Variants in MTHFD1L observed in about 807,000 individuals in gnomAD.
The protein encoded by MTHFD1L is monofunctional C1-tetrahydrofolate synthase, mitochondrial.
A neutral mutation model predicts 119.5 loss-of-function variants in MTHFD1L; 81 were observed. That is an observed-to-expected ratio of 0.68 (90% CI 0.57 to 0.82). The LOEUF (loss-of-function observed/expected upper bound fraction) is 0.82, where lower values mean the gene tolerates loss of function less well. Ranked by LOEUF, MTHFD1L falls within the 40% of genes least tolerant of loss-of-function variation. The pLI is 0.00. For synonymous variants in MTHFD1L, 430 were observed against 475.2 expected (o/e 0.90, Z 1.24); for missense variants, 1,125 against 1,253.4 (o/e 0.90, Z 1.55).
intron 26 of MTHFD1L, among the ~76,000 whole-genome samples, chr6:151,052,844 G>A (rs1274494502): frequency 6.6e-6 from 1 of 152,174 alleles, no homozygotes; most frequent in African/African-American, 2.4e-5. Context: ...AAATGTGTGA[G>A]CCTGAGCCCA....
intron 13 of MTHFD1L, among the ~76,000 whole-genome samples, chr6:150,939,014 C>T (rs1792612975): frequency 6.6e-6 from 1 of 152,166 alleles, no homozygotes; most frequent in Non-Finnish European, 1.5e-5. Context: ...TTAACAGGTG[C>T]TGACCTAGCC....
intron 1 of MTHFD1L, among the ~76,000 whole-genome samples, chr6:150,871,068 A>G (rs1219761208): frequency 6.9e-6 from 1 of 145,280 alleles, no homozygotes; most frequent in Admixed American, 7.0e-5. Flanking sequence ...ACCTTAATAT[A>G]TATACCTTAA....
At chr6:150,936,625 T>G (rs1490530064) in intron 11 of MTHFD1L, among the ~76,000 whole-genome samples, 179 bp from the exon 12 acceptor site, 1 of 152,226 alleles carries the variant, frequency 6.6e-6, no homozygotes, top group Non-Finnish European at 1.5e-5. Flanking sequence ...TGTCTGTATC[T>G]TGACTTTAGC....
chr6:151,091,079 A>T (rs1794374946), intron 26 of MTHFD1L, among the ~76,000 whole-genome samples: 1 of 146,218 alleles, frequency 6.8e-6, no homozygotes, highest in African/African-American at 2.6e-5. Context: ...GTTCCATGCG[A>T]CTGGGTGCAG....
intron 26 of MTHFD1L, among the ~76,000 whole-genome samples, chr6:151,052,630 G>A (rs1789243970): frequency 6.6e-6 from 1 of 152,210 alleles, no homozygotes; most frequent in Admixed American, 6.5e-5. Context: ...GCTGGACCCT[G>A]AAGGCAGTAG....
chr6:150,955,870 C>G (rs977240018), intron 16 of MTHFD1L, 125 bp from the exon 17 acceptor site: 33 of 751,006 alleles, frequency 4.4e-5, no homozygotes, highest in Non-Finnish European at 7.6e-5. Context: ...AGATGGTCAG[C>G]TTGGGGGAGC....
chr6:150,937,802 G>A (rs2128939736), intron 12 of MTHFD1L, among the ~76,000 whole-genome samples: 1 of 152,230 alleles, frequency 6.6e-6, no homozygotes, highest in African/African-American at 2.4e-5. Context: ...TTGTTGTGAG[G>A]ATCAAATGAG....
chr6:151,082,944 T>A (rs944851470), intron 26 of MTHFD1L, among the ~76,000 whole-genome samples: 1 of 152,166 alleles, frequency 6.6e-6, no homozygotes, highest in Non-Finnish European at 1.5e-5. Flanking sequence ...TTGATCTGGT[T>A]CCCATTACCC....
chr6:150,918,616 G>T lies in MTHFD1L; in HGVS notation c.932G>T (p.Gly311Val), dbSNP rs745544150. 2 of 1,614,050 alleles carry T rather than the reference G, an allele frequency of 1.2e-6. No homozygotes were observed. The highest frequency in any genetic ancestry group is 1.7e-6 in the Non-Finnish European group (2 of 1,180,024). ...GCGSPRIHFG[G>V]LIEEDDVILL... is the part of the protein sequence containing the mutation. ...GGCTCTCCAAGAATACATTTTGGTGGACTCATTGAGGAAGATGATGTGATT... is the reference window on the plus strand; with the variant it reads ...GGCTCTCCAAGAATACATTTTGGTGTACTCATTGAGGAAGATGATGTGATT... Residue 311 changes from glycine (G) to valine (V), a missense_variant, in exon 9 of 28, where the codon GGA becomes GTA. Coordinates refer to ENST00000367321, the MANE Select transcript of MTHFD1L (RefSeq NM_015440.5).
intron 18 of MTHFD1L, among the ~76,000 whole-genome samples, chr6:150,963,905 C>A (rs922122626): frequency 1.3e-5 from 2 of 152,180 alleles, no homozygotes; most frequent in Non-Finnish European, 2.9e-5. Context: ...CGGTGGCTCA[C>A]GCCTGTAATG....
chr6:150,921,235 T>C (rs1394896579), intron 9 of MTHFD1L, among the ~76,000 whole-genome samples: 1 of 152,152 alleles, frequency 6.6e-6, no homozygotes, highest in Non-Finnish European at 1.5e-5. Context: ...TTCTCCTGCC[T>C]CAGCCTCCCG....
At chr6:151,055,474 C>G (rs1213055032) in intron 26 of MTHFD1L, among the ~76,000 whole-genome samples, 1 of 152,014 alleles carries the variant, frequency 6.6e-6, no homozygotes, top group South Asian at 2.1e-4. Context: ...AAGTAGCAAA[C>G]CCAGGATTCA....
At chr6:151,009,685 A>T (rs1781949579) in intron 20 of MTHFD1L, 134 bp from the exon 21 acceptor site, 1 of 1,029,484 alleles carries the variant, frequency 9.7e-7, no homozygotes, top group Admixed American at 2.2e-5. Flanking sequence ...GACAATGGGG[A>T]AATCAGTTCA....
intron 24 of MTHFD1L, among the ~76,000 whole-genome samples, chr6:151,026,111 C>T (rs1784576017): frequency 6.6e-6 from 1 of 152,134 alleles, no homozygotes; most frequent in Non-Finnish European, 1.5e-5. Flanking sequence ...AACAGGACTT[C>T]AATAATTTAA....
chr6:150,960,427 C>T lies in MTHFD1L; in HGVS notation c.1944+12C>T, dbSNP rs765193308. The T allele has an allele frequency of 2.5e-6, 4 of 1,600,968 alleles. No homozygotes were observed. Among genetic ancestry groups the T allele is most frequent in the Non-Finnish European group, 3.4e-6 (4 of 1,173,124 alleles). On this transcript the variant is annotated intron_variant, in intron 18 of 27. Coordinates refer to ENST00000367321, the MANE Select transcript of MTHFD1L (RefSeq NM_015440.5). ...CAGCAGATGATTTGGTGAGTGTTTC[C>T]AACTCGGAAGCTTCAGGGAGTGGAC...
At chr6:150,895,845 G>A (rs1343195071) in intron 7 of MTHFD1L, among the ~76,000 whole-genome samples, 1 of 152,166 alleles carries the variant, frequency 6.6e-6, no homozygotes, top group Non-Finnish European at 1.5e-5. Context: ...TGAGTTACAT[G>A]ACAATTCTCC....
At chr6:150,956,180 G>A in intron 17 of MTHFD1L, 109 bp downstream of exon 17, 1 of 1,094,394 alleles carries the variant, frequency 9.1e-7, no homozygotes, top group Non-Finnish European at 1.4e-6. Flanking sequence ...GTTGTGGCCA[G>A]TGGTTCTCTC....
At position 150,931,174 on chromosome 6, in the gene MTHFD1L, T is replaced by C. The variant is rs912738752; in HGVS notation, c.1256+4879T>C. Among the ~76,000 whole-genome samples the C allele has an allele frequency of 2.6e-5, 4 of 152,204 alleles. No homozygotes were observed. In the East Asian group the frequency reaches 7.7e-4, roughly 29 times the overall value. On this transcript the variant is annotated intron_variant, in intron 11 of 27. Coordinates refer to ENST00000367321, the MANE Select transcript of MTHFD1L (RefSeq NM_015440.5). ...AGTTTCTAGAATTTCCCTGAATTGG[T>C]TGGACAGAGCAGCTAAAAAAGCAGC... is the stretch of plus-strand genomic sequence containing the variant.
At chr6:150,910,422 G>A (rs903807535) in intron 8 of MTHFD1L, among the ~76,000 whole-genome samples, 5 of 151,652 alleles carry the variant, frequency 3.3e-5, no homozygotes, top group African/African-American at 9.7e-5. Context: ...AATTAGCCGG[G>A]CATGGTGGCG....
Sources: allele counts gnomAD v4.1 joint callset (sites outside exome capture counted in the v4.1 genomes callset), GRCh38; gene constraint gnomAD v4.1.1; transcripts MANE v1.5; gene names NCBI Gene and HGNC (gene_info 2026-07-23, HGNC 2026-07-21).